The following LOC114841035 variants were observed in gnomAD, a reference collection of about 807,000 sequenced individuals.
the LOC114841035 span, chr11:64,244,110 CAA>C: frequency 6.7e-7 from 1 of 1,490,968 alleles, no homozygotes; most frequent in South Asian, 1.2e-5. Flanking sequence ...CAAAAACAAA[CAA>C]AAAAACACTT....
chr11:64,243,314 G>A, the LOC114841035 span: 11 of 1,601,028 alleles, frequency 6.9e-6, no homozygotes, highest in Non-Finnish European at 9.4e-6. Flanking sequence ...CTGCTGGGGT[G>A]AGTCATGGGG....
chr11:64,242,450 G>A, the LOC114841035 span: 10 of 1,547,800 alleles, frequency 6.5e-6, no homozygotes, highest in African/African-American at 1.0e-4. Flanking sequence ...CCGTGGCCAC[G>A]GCCACGGGGG....
At chr11:64,243,103 TG>T in the LOC114841035 span, 1 of 1,047,742 alleles carries the variant, frequency 9.5e-7, no homozygotes, top group Non-Finnish European at 1.5e-6. Context: ...GGGCTGTGGG[TG>T]GGCGTGGGGG....
chr11:64,243,842 G>GA, the LOC114841035 span: 4 of 1,614,142 alleles, frequency 2.5e-6, no homozygotes, highest in Non-Finnish European at 3.4e-6. Flanking sequence ...CTTCAACAGG[G>GA]TATGGAGAGC....
the LOC114841035 span, chr11:64,241,653 C>T: frequency 3.3e-5 from 5 of 152,568 alleles, no homozygotes; most frequent in Admixed American, 3.3e-4. Flanking sequence ...AGTGAGGAGC[C>T]TGGCCCGAGT....
the LOC114841035 span, chr11:64,242,389 T>C: frequency 6.6e-7 from 1 of 1,521,872 alleles, no homozygotes; most frequent in African/African-American, 1.4e-5. Flanking sequence ...CACAGAGACA[T>C]GAGGCTGAGC....
chr11:64,241,423 G>C, the LOC114841035 span, among the ~76,000 whole-genome samples: 761 of 152,118 alleles, frequency 5.0e-3, 5 homozygotes, highest in East Asian at 0.013. Flanking sequence ...TAGGAGGGTC[G>C]GGGGACGGAG....
At chr11:64,243,664 G>A in the LOC114841035 span, 1 of 1,150,168 alleles carries the variant, frequency 8.7e-7, no homozygotes. Flanking sequence ...GATCATTGAA[G>A]CACTCAGCTG....
At chr11:64,243,218 CAG>C in the LOC114841035 span, 41 of 1,613,576 alleles carry the variant, frequency 2.5e-5, no homozygotes, top group Non-Finnish European at 3.4e-5. Flanking sequence ...GAAGATGGGA[CAG>C]AGTTTGACAG....
At chr11:64,243,757 T>C in the LOC114841035 span, 4 of 1,570,390 alleles carry the variant, frequency 2.5e-6, no homozygotes, top group Non-Finnish European at 3.5e-6. Flanking sequence ...GCCTTCTTGC[T>C]GAGAGGGGCG....
the LOC114841035 span, chr11:64,242,658 G>C: frequency 1.5e-6 from 2 of 1,313,036 alleles, no homozygotes; most frequent in Non-Finnish European, 2.0e-6. Flanking sequence ...GGTGACCTTG[G>C]GCAAGTCCCC....
At chr11:64,242,933 G>A in the LOC114841035 span, among the ~76,000 whole-genome samples, 4 of 152,200 alleles carry the variant, frequency 2.6e-5, no homozygotes, top group African/African-American at 7.2e-5. Context: ...TTAGCCAGGC[G>A]TGGTGGCGGG....
At chr11:64,243,435 ATG>A in the LOC114841035 span, 10 of 1,613,982 alleles carry the variant, frequency 6.2e-6, no homozygotes, top group South Asian at 4.4e-5. Context: ...TGGGCTGAGC[ATG>A]TGTCTTCCTG....
At chr11:64,242,285 G>A in the LOC114841035 span, 5 of 1,216,594 alleles carry the variant, frequency 4.1e-6, no homozygotes, top group East Asian at 8.6e-5. Flanking sequence ...GGGCAAGGAA[G>A]ATACAGTGGC....
At chr11:64,243,779 C>T in the LOC114841035 span, 2 of 1,602,668 alleles carry the variant, frequency 1.2e-6, no homozygotes, top group Non-Finnish European at 1.7e-6. Flanking sequence ...AACACTCTCC[C>T]TTTGCCCACA....
the LOC114841035 span, chr11:64,243,645 A>G: frequency 8.3e-7 from 1 of 1,198,762 alleles, no homozygotes; most frequent in Non-Finnish European, 1.2e-6. Context: ...AGCAGTGAGT[A>G]CAGGGCAAGA....
chr11:64,243,108 G>A, the LOC114841035 span: 67 of 1,159,752 alleles, frequency 5.8e-5, no homozygotes, highest in Non-Finnish European at 8.2e-5. Flanking sequence ...GTGGGTGGGC[G>A]TGGGGGGGCA....
At chr11:64,243,590 A>G in the LOC114841035 span, 1 of 1,494,650 alleles carries the variant, frequency 6.7e-7, no homozygotes, top group Non-Finnish European at 9.3e-7. Context: ...TCTTCACCGT[A>G]TCCATTCATT....
chr11:64,242,412 C>A, the LOC114841035 span: 1 of 1,547,986 alleles, frequency 6.5e-7, no homozygotes. Context: ...GTTCCGGGTC[C>A]TGACAGTACT....
Sources: allele counts gnomAD v4.1 joint callset (sites outside exome capture counted in the v4.1 genomes callset), GRCh38; gene constraint gnomAD v4.1.1; transcripts MANE v1.5.